Variants in BRIP1 observed in about 807,000 individuals in gnomAD.
BRIP1 encodes the protein Fanconi anemia group J protein.
A neutral mutation model predicts 119.7 loss-of-function variants in BRIP1; 88 were observed. The ratio of observed to expected loss-of-function variants is 0.74; its 90% CI spans 0.62 to 0.88. BRIP1 has a LOEUF of 0.88. Among genes scored for constraint, BRIP1 ranks in the 40% least tolerant of loss-of-function variants. The probability of loss-of-function intolerance (pLI) is 0.00; values close to 1 mark genes in which losing one functional copy is unlikely to be tolerated. For missense variants in BRIP1, 1,259 were observed against 1,455.4 expected (o/e 0.87, Z 2.20); for synonymous variants, 443 against 496.5 (o/e 0.89, Z 1.43).
Position 61,808,599 on chromosome 17 carries a change from C to G in BRIP1, c.786G>C (p.Glu262Asp), listed in dbSNP as rs876658312. The part of the protein sequence containing the change: ...THKQIAQITR[E>D]LRRTAYSGVP... ...CCCCTGAATATGCCGTCCTCCGGAGCTCTCTAGTAATCTGAGCAATCTGCT... is the reference window on the plus strand; with the variant it reads ...CCCCTGAATATGCCGTCCTCCGGAGGTCTCTAGTAATCTGAGCAATCTGCT... The change falls in exon 7 of 20, where the codon GAG (glutamate) becomes GAC (aspartate). Residue 262 changes from glutamate (E) to aspartate (D), a missense_variant. Physicochemically the swap from Glu to Asp is conservative, Grantham distance 45. Transcript: ENST00000259008. The surrounding 1 kb of genome is among the most constrained non-coding windows in gnomAD (Gnocchi z 4.1). The G allele has an allele frequency of 6.2e-7, 1 of 1,613,984 alleles. No individual in the cohort carries two copies.
In BRIP1 at chr17:61,848,310, TG is replaced by T. The variant is rs1226758546; in HGVS notation, c.507+818del. On this transcript the variant is annotated intron_variant, in intron 5 of 19. Coordinates refer to ENST00000259008, the MANE Select transcript of BRIP1 (RefSeq NM_032043.3). This position sits in a 1 kb window ranked among gnomAD's most constrained non-coding sequence, Gnocchi z 4.3. ...CTCCTATCTCAGCCTCCCAAGTAGC[TG>T]GAAAGTAGTCTGTAGGGCTACATGT... 6.6e-6 allele frequency among the ~76,000 whole-genome samples: 1 copy of T among 152,118 alleles called. No individual in the cohort carries two copies. Among genetic ancestry groups the T allele is most frequent in the African/African-American group, 2.4e-5 (1 of 41,426 alleles).
At chr17:61,715,524 T>C (rs1449769214) in intron 17 of BRIP1, among the ~76,000 whole-genome samples, 1 of 152,210 alleles carries the variant, frequency 6.6e-6, no homozygotes, top group Non-Finnish European at 1.5e-5. Flanking sequence ...CACTTTCAAA[T>C]AGAATATCTC....
At chr17:61,785,779 T>G (rs2077695748) in intron 10 of BRIP1, among the ~76,000 whole-genome samples, 1 of 152,090 alleles carries the variant, frequency 6.6e-6, no homozygotes, top group Non-Finnish European at 1.5e-5. Flanking sequence ...ACACTGGCAA[T>G]TTACTCTGAT....
rs919277000 is a variant in BRIP1 at position 61,681,889 on chromosome 17, T to G, written c.*1407A>C. On this transcript the variant is annotated 3_prime_UTR_variant, in exon 20 of 20. Coordinates refer to ENST00000259008, the MANE Select transcript of BRIP1 (RefSeq NM_032043.3). This position sits in a 1 kb window ranked among gnomAD's most constrained non-coding sequence, Gnocchi z 5.1. ...GTAAATCCTTACTGGAAATTTTGAC[T>G]TGAAAATAATAGACCATACAGAATT... 5 of 198,878 alleles carry G rather than the reference T, an allele frequency of 2.5e-5. No individual in the cohort carries two copies. Among genetic ancestry groups the G allele is most frequent in the African/African-American group, 1.1e-4 (5 of 43,500 alleles). The allele number at this position is 198,878 out of a possible 1,614,324, so 12.3% of individuals were successfully genotyped here.
Position 61,831,107 on chromosome 17 carries a change from T to C in BRIP1, c.627+15994A>G, listed in dbSNP as rs1180369277. ...ATAAAAATGTTCAGCCAACTAGCGATAGAAGGAAACTTCTTTAGCCTGACA... is the reference window on the plus strand; with the variant it reads ...ATAAAAATGTTCAGCCAACTAGCGACAGAAGGAAACTTCTTTAGCCTGACA... On this transcript the variant is annotated intron_variant, in intron 6 of 19. Coordinates refer to ENST00000259008, the MANE Select transcript of BRIP1 (RefSeq NM_032043.3). The surrounding 1 kb of genome is among the most constrained non-coding windows in gnomAD (Gnocchi z 4.1). Among the ~76,000 whole-genome samples the C allele has an allele frequency of 1.3e-5, 2 of 152,226 alleles. No individual in the cohort carries two copies. The highest frequency in any genetic ancestry group is 2.9e-5 in the Non-Finnish European group (2 of 68,028).
chr17:61,711,873 A>T (rs8064684), intron 17 of BRIP1, among the ~76,000 whole-genome samples: 51,151 of 150,830 alleles, frequency 0.34, 8,830 homozygotes, highest in East Asian at 0.49. Flanking sequence ...CTCAAAAAAA[A>T]AATAATAATA....
chr17:61,786,875 A>G lies in BRIP1; in HGVS notation c.1474-2451T>C, dbSNP rs2077720800. 3.2e-5 allele frequency among the ~76,000 whole-genome samples: 4 copies of G among 125,680 alleles called. No homozygotes were observed. The South Asian group carries it at 9.0e-4, about 28-fold the overall frequency. The allele number at this position is 125,680 out of a possible 152,430, so 82.5% of individuals were successfully genotyped here. On this transcript the variant is annotated intron_variant, in intron 10 of 19. Coordinates refer to ENST00000259008, the MANE Select transcript of BRIP1 (RefSeq NM_032043.3). ...AATATATATTCATATATGTATTAAT[A>G]TATTAATATATAAATATATTTTATA...
At chr17:61,855,364 G>A (rs1275065075) in intron 4 of BRIP1, among the ~76,000 whole-genome samples, 1 of 152,102 alleles carries the variant, frequency 6.6e-6, no homozygotes, top group Non-Finnish European at 1.5e-5. Context: ...AGTAACTTGA[G>A]GTCAGGAGTT....
chr17:61,760,923 G>C lies in BRIP1; in HGVS notation c.2097+15478C>G, dbSNP rs1411117727. ...TTTACATGACCAGCATTATCACCCT[G>C]ATACCAAGGCCAGATAAGGACAATA... On this transcript the variant is annotated intron_variant, in intron 14 of 19. Transcript: ENST00000259008. This position sits in a 1 kb window ranked among gnomAD's most constrained non-coding sequence, Gnocchi z 4.6. 6.6e-6 allele frequency among the ~76,000 whole-genome samples: 1 copy of C among 151,944 alleles called. No homozygotes were observed. Among genetic ancestry groups the C allele is most frequent in the Non-Finnish European group, 1.5e-5 (1 of 67,882 alleles).
chr17:61,857,315 G>C lies in BRIP1; in HGVS notation c.206-84C>G, dbSNP rs1288633776. ...TCTACAGCCCAGTTCACCCAGGATT[G>C]GGAGGTTTCCTAAGATAAAAGATTT... On this transcript the variant is annotated intron_variant, in intron 3 of 19. Transcript: ENST00000259008. This position sits in a 1 kb window ranked among gnomAD's most constrained non-coding sequence, Gnocchi z 5.1. 2.3e-6 allele frequency: 3 copies of C among 1,309,244 alleles called. No homozygotes were observed. The African/African-American group carries it at 4.5e-5, about 20-fold the overall frequency. The allele number at this position is 1,309,244 out of a possible 1,614,324, so 81.1% of individuals were successfully genotyped here.
rs562970872 is a variant in BRIP1 at position 61,716,149 on chromosome 17, T to C, written c.2380-86A>G. ...ATATTAACTTCTAACAGTTTGAATATACATATTTTTAGGGTAGAGATTTTA... is the reference window on the plus strand; with the variant it reads ...ATATTAACTTCTAACAGTTTGAATACACATATTTTTAGGGTAGAGATTTTA... On this transcript the variant is annotated intron_variant, in intron 16 of 19. Transcript: ENST00000259008. The C allele has an allele frequency of 7.6e-5, 63 of 826,362 alleles. 1 individual carries two copies. The South Asian group carries it at 1.2e-3, about 15-fold the overall frequency. The allele number at this position is 826,362 out of a possible 1,614,324, so 51.2% of individuals were successfully genotyped here.
intron 17 of BRIP1, among the ~76,000 whole-genome samples, chr17:61,702,972 C>CTT (rs61428664): frequency 4.0e-5 from 5 of 125,220 alleles, no homozygotes; most frequent in Admixed American, 7.8e-5. Context: ...AGCATCTGTT[C>CTT]TTTTTTTTTT....
intron 16 of BRIP1, among the ~76,000 whole-genome samples, chr17:61,737,371 C>T (rs2076932655): frequency 6.6e-6 from 1 of 152,042 alleles, no homozygotes; most frequent in Admixed American, 6.6e-5. Context: ...CCATATATCA[C>T]ATAGAAAAAT....
chr17:61,697,286 G>A (rs1422129319), intron 17 of BRIP1, among the ~76,000 whole-genome samples: 4 of 120,024 alleles, frequency 3.3e-5, no homozygotes, highest in South Asian at 2.9e-4. Context: ...GCAGTGAGCC[G>A]AGATCATGCC....
rs1415972193 is a variant in BRIP1, at chr17:61,803,832, G to C, written c.919-2358C>G. 6.6e-6 allele frequency among the ~76,000 whole-genome samples: 1 copy of C among 152,054 alleles called. No homozygotes were observed. The highest frequency in any genetic ancestry group is 1.5e-5 in the Non-Finnish European group (1 of 67,996). ...TAAAATTTTACCATTAATGTGAATA[G>C]ATGTACCCTGTACTGTTAAATAGCC... On this transcript the variant is annotated intron_variant, in intron 7 of 19. Coordinates refer to ENST00000259008, the MANE Select transcript of BRIP1 (RefSeq NM_032043.3). This position sits in a 1 kb window ranked among gnomAD's most constrained non-coding sequence, Gnocchi z 4.3.
chr17:61,742,634 T>C lies in BRIP1; in HGVS notation c.2379+379A>G, dbSNP rs1282509027. Among the ~76,000 whole-genome samples, 1 of 152,158 alleles carries C rather than the reference T, an allele frequency of 6.6e-6. No individual in the cohort carries two copies. The highest frequency in any genetic ancestry group is 1.5e-5 in the Non-Finnish European group (1 of 68,032). On this transcript the variant is annotated intron_variant, in intron 16 of 19. Transcript: ENST00000259008. The surrounding 1 kb of genome is among the most constrained non-coding windows in gnomAD (Gnocchi z 4.7). The stretch of plus-strand genomic sequence containing the variant: ...GGAGAGAGAAATGGGGGAAGGGTAG[T>C]CAGTGGAGCAGTTAGAATACATACA...
chr17:61,706,594 TC>T lies in BRIP1; in HGVS notation c.2492+9356del, dbSNP rs1205283464. 5.9e-5 allele frequency among the ~76,000 whole-genome samples: 9 copies of T among 152,134 alleles called. No individual in the cohort carries two copies. The highest frequency in any genetic ancestry group is 2.2e-4 in the African/African-American group (9 of 41,440). On this transcript the variant is annotated intron_variant, in intron 17 of 19. Coordinates refer to ENST00000259008, the MANE Select transcript of BRIP1 (RefSeq NM_032043.3). The surrounding 1 kb of genome is among the most constrained non-coding windows in gnomAD (Gnocchi z 5.7). ...TCTCCATATTTCTAAGGAACATTGA[TC>T]CTACTACTACTTCTTGGTTTTTGAA...
intron 10 of BRIP1, among the ~76,000 whole-genome samples, chr17:61,792,670 G>A (rs954180485): frequency 6.6e-6 from 1 of 152,114 alleles, no homozygotes; most frequent in African/African-American, 2.4e-5. Flanking sequence ...GGTGGGTGTG[G>A]GCGTGGTGTG....
rs1256740643 is a variant in BRIP1 at position 61,695,667 on chromosome 17, GT to G, written c.2493-2156del. The stretch of plus-strand genomic sequence containing the variant: ...AATTTTCTTTCAATAATGTCTTGCA[GT>G]TTTCAGTATACAGATCTTTCATCTC... On this transcript the variant is annotated intron_variant, in intron 17 of 19. Transcript: ENST00000259008. The surrounding 1 kb of genome is among the most constrained non-coding windows in gnomAD (Gnocchi z 4.3). 6.6e-6 allele frequency among the ~76,000 whole-genome samples: 1 copy of G among 151,948 alleles called. No individual in the cohort carries two copies. The highest frequency in any genetic ancestry group is 1.5e-5 in the Non-Finnish European group (1 of 67,948).
Sources: allele counts gnomAD v4.1 joint callset (sites outside exome capture counted in the v4.1 genomes callset), GRCh38; gene constraint gnomAD v4.1.1; non-coding constraint Gnocchi (gnomAD v3.1); transcripts MANE v1.5; gene names NCBI Gene and HGNC (gene_info 2026-07-23, HGNC 2026-07-21).